Variants in ENDOD1 observed in about 807,000 individuals in gnomAD.
The protein encoded by ENDOD1 is endonuclease domain-containing 1 protein.
A neutral mutation model predicts 6.5 loss-of-function variants in ENDOD1; 9 were observed. The ratio of observed to expected loss-of-function variants is 1.39; its 90% CI spans 0.84 to 2.43. ENDOD1 has a LOEUF of 2.43. ENDOD1 is among the 30% of genes most tolerant of loss of function. The pLI is 0.00. For missense variants in ENDOD1, 648 were observed against 635.5 expected (o/e 1.02, Z -0.21); for synonymous variants, 255 against 255.2 (o/e 1.00, Z 0.01).
chr11:95,096,005 C>T (rs1252447550), intron 1 of ENDOD1, among the ~76,000 whole-genome samples: 8 of 152,072 alleles, frequency 5.3e-5, no homozygotes, highest in Non-Finnish European at 2.9e-5. Context: ...ATGTAAATGC[C>T]AGCTTCAGAT....
chr11:95,098,219 T>C (rs1555110511), intron 1 of ENDOD1, among the ~76,000 whole-genome samples: 2 of 152,156 alleles, frequency 1.3e-5, no homozygotes, highest in African/African-American at 4.8e-5. Context: ...TTAATGGGTA[T>C]AAAGTTTCAG....
Position 95,128,694 on chromosome 11 carries a change from C to T in ENDOD1, c.618C>T (p.Asp206=), listed in dbSNP as rs1439326362. 2 of 1,614,188 alleles carry T rather than the reference C, an allele frequency of 1.2e-6. No homozygotes were observed. The highest frequency in any genetic ancestry group is 2.2e-5 in the South Asian group (2 of 91,080). ...LYILTGTVPS[D]YRVKDKVAVP... Reference sequence around the variant, plus strand: ...TCCTCACAGGCACAGTGCCCTCAGACTACAGAGTTAAAGACAAAGTGGCAG... The same window carrying T: ...TCCTCACAGGCACAGTGCCCTCAGATTACAGAGTTAAAGACAAAGTGGCAG... Residue 206 remains aspartate (D), a synonymous_variant, in exon 2 of 2, where the codon GAC becomes GAT. Coordinates refer to ENST00000278505, the MANE Select transcript of ENDOD1 (RefSeq NM_015036.3).
intron 1 of ENDOD1, among the ~76,000 whole-genome samples, chr11:95,090,926 T>TAG (rs1858924832): frequency 6.6e-6 from 1 of 151,914 alleles, no homozygotes; most frequent in African/African-American, 2.4e-5. Flanking sequence ...CGCAATGGGG[T>TAG]AGTTAAAAAT....
chr11:95,125,614 C>G (rs1173685699), intron 1 of ENDOD1, among the ~76,000 whole-genome samples: 4 of 141,318 alleles, frequency 2.8e-5, no homozygotes, highest in Non-Finnish European at 6.1e-5. Flanking sequence ...CCACAACCAT[C>G]CCCGGTGCGT....
chr11:95,095,275 A>G (rs1411267095), intron 1 of ENDOD1, among the ~76,000 whole-genome samples: 2 of 147,108 alleles, frequency 1.4e-5, no homozygotes, highest in Non-Finnish European at 3.0e-5. Context: ...ATTAAAAGCA[A>G]AAACAAACCA....
intron 1 of ENDOD1, among the ~76,000 whole-genome samples, chr11:95,091,192 C>T (rs1263058760): frequency 6.6e-6 from 1 of 152,194 alleles, no homozygotes; most frequent in Admixed American, 6.5e-5. Flanking sequence ...TCACCAGCCT[C>T]CCACCCCTGC....
intron 1 of ENDOD1, among the ~76,000 whole-genome samples, chr11:95,103,137 G>T (rs1359745976): frequency 1.3e-5 from 2 of 150,344 alleles, no homozygotes; most frequent in Admixed American, 6.7e-5. Context: ...GTGTGTGTGT[G>T]TTTCCTCTCA....
chr11:95,112,987 A>G (rs1455691074), intron 1 of ENDOD1, among the ~76,000 whole-genome samples: 2 of 151,794 alleles, frequency 1.3e-5, no homozygotes. Flanking sequence ...CCCGTCACAT[A>G]CTAACCATGT....
At chr11:95,109,644 C>A (rs59251993) in intron 1 of ENDOD1, among the ~76,000 whole-genome samples, 2,348 of 152,350 alleles carry the variant, frequency 0.015, 52 homozygotes, top group African/African-American at 0.053. Flanking sequence ...CTCGGCTGCC[C>A]ACTTGTGTCC....
intron 1 of ENDOD1, among the ~76,000 whole-genome samples, chr11:95,098,292 T>C (rs1204804711): frequency 6.6e-6 from 1 of 152,204 alleles, no homozygotes. Flanking sequence ...GTTGATGATA[T>C]TGTATTGTGC....
intron 1 of ENDOD1, among the ~76,000 whole-genome samples, chr11:95,110,503 C>A (rs1363712902): frequency 1.3e-5 from 2 of 152,144 alleles, no homozygotes; most frequent in African/African-American, 4.8e-5. Context: ...GAGGCAAATG[C>A]ACAGGATCCC....
intron 1 of ENDOD1, among the ~76,000 whole-genome samples, chr11:95,122,541 A>T (rs940508889): frequency 6.7e-6 from 1 of 150,172 alleles, no homozygotes; most frequent in Admixed American, 6.6e-5. Context: ...TGCCTGGCCT[A>T]TTACTATTTT....
Position 95,106,161 on chromosome 11 carries a change from A to C in ENDOD1, c.300+15934A>C, listed in dbSNP as rs139318823. 3.3e-4 allele frequency among the ~76,000 whole-genome samples: 51 copies of C among 152,286 alleles called. 1 individual carries two copies. The highest frequency in any genetic ancestry group is 1.2e-3 in the African/African-American group (49 of 41,568). On this transcript the variant is annotated intron_variant, in intron 1 of 1. Coordinates refer to ENST00000278505, the MANE Select transcript of ENDOD1 (RefSeq NM_015036.3). ...AAAAGTCAGCCTCCCATCTAAATCA[A>C]TCAGCCTCCCCAGATGCAGAGTAGG...
chr11:95,107,861 T>C (rs1328359406), intron 1 of ENDOD1, among the ~76,000 whole-genome samples: 1 of 151,944 alleles, frequency 6.6e-6, no homozygotes, highest in Non-Finnish European at 1.5e-5. Flanking sequence ...CGGGGTTTAG[T>C]AGAGACCGTG....
Position 95,131,553 on chromosome 11 carries a change from G to A in ENDOD1, c.*1974G>A, listed in dbSNP as rs1355661469. ...CTGAGATGTCAGACATGGGAAGTTC[G>A]TGCTATTATTCAGTTGCCTCTCTGG... On this transcript the variant is annotated 3_prime_UTR_variant, in exon 2 of 2. Transcript: ENST00000278505. 4 of 152,178 alleles carry A rather than the reference G, an allele frequency of 2.6e-5. No homozygotes were observed. The highest frequency in any genetic ancestry group is 3.2e-3 in the Middle Eastern group (1 of 316). The allele number at this position is 152,178 out of a possible 1,614,324, so 9.4% of individuals were successfully genotyped here. A position where few individuals can be genotyped will look rare whatever the true frequency, so the allele number is the denominator to read the frequency against.
At chr11:95,124,352 C>T (rs1254859689) in intron 1 of ENDOD1, among the ~76,000 whole-genome samples, 1 of 152,164 alleles carries the variant, frequency 6.6e-6, no homozygotes, top group African/African-American at 2.4e-5. Context: ...ATTGGTAGTT[C>T]AAAAAATATT....
intron 1 of ENDOD1, among the ~76,000 whole-genome samples, chr11:95,127,690 T>C (rs1255232486): frequency 6.6e-6 from 1 of 152,244 alleles, no homozygotes; most frequent in Non-Finnish European, 1.5e-5. Flanking sequence ...CCTTGTTTTC[T>C]TTTTTAGAAT....
At chr11:95,117,992 A>G (rs797029836) in intron 1 of ENDOD1, among the ~76,000 whole-genome samples, 29 of 152,332 alleles carry the variant, frequency 1.9e-4, no homozygotes, top group African/African-American at 7.0e-4. Flanking sequence ...GCTGATAACA[A>G]TTTAATGCTG....
chr11:95,125,382 G>A (rs1328304974), intron 1 of ENDOD1, among the ~76,000 whole-genome samples: 1 of 152,154 alleles, frequency 6.6e-6, no homozygotes, highest in African/African-American at 2.4e-5. Context: ...TCCTTGGGAT[G>A]TATCTTTCAG....
Sources: gnomAD v4.1 joint callset for allele counts (sites outside exome capture counted in the v4.1 genomes callset) on GRCh38, gnomAD v4.1.1 for gene constraint, MANE v1.5 for transcripts, NCBI Gene and HGNC (gene_info 2026-07-23, HGNC 2026-07-21) for gene names.